Variants in CSMD1 observed in about 807,000 individuals in gnomAD.
The protein encoded by CSMD1 is CUB and Sushi multiple domains 1.
Under a neutral mutation model 417.5 loss-of-function variants are expected in CSMD1, and 213 were observed. The observed-to-expected ratio is 0.51, with a 90% CI of 0.46 to 0.57. The LOEUF (loss-of-function observed/expected upper bound fraction) is 0.57, where lower values mean the gene tolerates loss of function less well. Ranked by LOEUF, CSMD1 falls within the 20% of genes least tolerant of loss-of-function variation. The probability of loss-of-function intolerance (pLI) is 0.00; values close to 1 mark genes in which losing one functional copy is unlikely to be tolerated. For synonymous variants in CSMD1, 2,862 were observed against 1,736.8 expected (o/e 1.65, Z -16.11); for missense variants, 6,923 against 4,529.7 (o/e 1.53, Z -15.17).
Position 4,950,877 on chromosome 8 carries a change from G to C in CSMD1, c.85+43455C>G, listed in dbSNP as rs533810057. On this transcript the variant is annotated intron_variant, in intron 1 of 69. Coordinates refer to ENST00000635120, the MANE Select transcript of CSMD1 (RefSeq NM_033225.6). Reference sequence around the variant, plus strand: ...GTACCCTACCTTGGCTTAAGAAAAAGTACCAGGGTGGCAAACAAATGTACT... The same window carrying C: ...GTACCCTACCTTGGCTTAAGAAAAACTACCAGGGTGGCAAACAAATGTACT... Among the ~76,000 whole-genome samples the C allele has an allele frequency of 9.7e-4, 147 of 152,068 alleles. 1 individual carries two copies. Among genetic ancestry groups the C allele is most frequent in the African/African-American group, 3.5e-3 (144 of 41,506 alleles).
At chr8:3,789,043 T>G (rs1463752443) in intron 5 of CSMD1, among the ~76,000 whole-genome samples, 1 of 152,220 alleles carries the variant, frequency 6.6e-6, no homozygotes, top group Admixed American at 6.5e-5. Flanking sequence ...GTTCTGAATG[T>G]TTCTGTCCCT....
At chr8:4,234,670 A>G (rs559255737) in intron 3 of CSMD1, among the ~76,000 whole-genome samples, 1 of 152,288 alleles carries the variant, frequency 6.6e-6, no homozygotes, top group African/African-American at 2.4e-5. Context: ...GCAGGTGCTA[A>G]ATAAACACTT....
At chr8:4,563,983 C>A (rs1798470052) in intron 2 of CSMD1, among the ~76,000 whole-genome samples, 1 of 152,156 alleles carries the variant, frequency 6.6e-6, no homozygotes, top group Non-Finnish European at 1.5e-5. Flanking sequence ...TGAACATCTG[C>A]AGATTCCCAG....
chr8:4,707,250 G>A (rs547085208), intron 1 of CSMD1, among the ~76,000 whole-genome samples: 74 of 152,186 alleles, frequency 4.9e-4, no homozygotes, highest in Non-Finnish European at 9.3e-4. Context: ...TTCTTACAAC[G>A]GTCCTAGGAG....
chr8:4,234,561 A>C (rs1436455506), intron 3 of CSMD1, among the ~76,000 whole-genome samples: 3 of 152,190 alleles, frequency 2.0e-5, no homozygotes, highest in Non-Finnish European at 4.4e-5. Context: ...CCGTTCCTTT[A>C]GTACAATTCT....
In CSMD1 at chr8:3,353,678, T is replaced by C. The variant is rs368203016; in HGVS notation, c.3304+5474A>G. 3.3e-5 allele frequency among the ~76,000 whole-genome samples: 5 copies of C among 152,312 alleles called. No homozygotes were observed. The South Asian group carries it at 6.2e-4, about 19-fold the overall frequency. On this transcript the variant is annotated intron_variant, in intron 21 of 69. Transcript: ENST00000635120. ...ATTTGAGCTTGATTTAAAACATTCA[T>C]TGAAAATCACCATTAGCAGAATTAA...
At chr8:4,673,297 G>A (rs1005621125) in intron 1 of CSMD1, among the ~76,000 whole-genome samples, 4 of 152,082 alleles carry the variant, frequency 2.6e-5, no homozygotes, top group Admixed American at 6.6e-5. Context: ...CTATTAAAAC[G>A]CATAAAATGC....
intron 8 of CSMD1, among the ~76,000 whole-genome samples, chr8:3,592,137 TG>T (rs1475673338): frequency 6.6e-6 from 1 of 152,084 alleles, no homozygotes; most frequent in Non-Finnish European, 1.5e-5. Flanking sequence ...GATAGATGAA[TG>T]GATAGGTAAG....
chr8:3,375,389 A>G (rs1050336430), intron 18 of CSMD1, among the ~76,000 whole-genome samples: 3 of 151,934 alleles, frequency 2.0e-5, no homozygotes, highest in Admixed American at 2.0e-4. Context: ...ATCTGTTTCC[A>G]TCTTTTCTCT....
At chr8:4,002,701 T>C (rs1381041106) in intron 4 of CSMD1, among the ~76,000 whole-genome samples, 8 of 152,212 alleles carry the variant, frequency 5.3e-5, no homozygotes, top group Non-Finnish European at 8.8e-5. Context: ...TGTGGAGTGC[T>C]ACAAGGACCC....
intron 50 of CSMD1, among the ~76,000 whole-genome samples, chr8:3,031,405 G>A (rs1810332328): frequency 6.6e-6 from 1 of 151,924 alleles, no homozygotes; most frequent in East Asian, 1.9e-4. Context: ...CATGGCACAT[G>A]TATACATGTG....
chr8:4,735,231 T>C (rs925525261), intron 1 of CSMD1, among the ~76,000 whole-genome samples: 1 of 152,182 alleles, frequency 6.6e-6, no homozygotes, highest in Non-Finnish European at 1.5e-5. Context: ...TGCGAGAGGA[T>C]ACTTGAGTCA....
chr8:4,656,509 G>A (rs1334979851), intron 1 of CSMD1, among the ~76,000 whole-genome samples: 1 of 151,784 alleles, frequency 6.6e-6, no homozygotes, highest in Non-Finnish European at 1.5e-5. Context: ...AATCCATCTT[G>A]CAGGGATTCT....
chr8:3,845,699 G>C (rs1803459548), intron 5 of CSMD1, among the ~76,000 whole-genome samples: 1 of 152,014 alleles, frequency 6.6e-6, no homozygotes, highest in Non-Finnish European at 1.5e-5. Flanking sequence ...GTAACATTTT[G>C]TATTTTATAA....
At chr8:4,442,369 A>G (rs1027717875) in intron 2 of CSMD1, among the ~76,000 whole-genome samples, 1 of 152,202 alleles carries the variant, frequency 6.6e-6, no homozygotes, top group African/African-American at 2.4e-5. Flanking sequence ...ACGTTTGCCT[A>G]GAGATTTCTA....
intron 23 of CSMD1, among the ~76,000 whole-genome samples, chr8:3,318,190 T>C (rs779857010): frequency 7.2e-5 from 11 of 152,254 alleles, no homozygotes; most frequent in Non-Finnish European, 1.2e-4. Flanking sequence ...TAATATTCTA[T>C]TTTTATTTAT....
Position 3,809,711 on chromosome 8 carries a change from G to A in CSMD1, c.819-55669C>T, listed in dbSNP as rs542474427. 1.2e-3 allele frequency among the ~76,000 whole-genome samples: 176 copies of A among 152,250 alleles called. 1 individual carries two copies. Among genetic ancestry groups the A allele is most frequent in the African/African-American group, 3.6e-3 (150 of 41,544 alleles). On this transcript the variant is annotated intron_variant, in intron 5 of 69. Coordinates refer to ENST00000635120, the MANE Select transcript of CSMD1 (RefSeq NM_033225.6). ...ACCACACTTCCAGAGACACTGCCAC[G>A]AATCTATAGGTCTTCAAGGAAGGTT...
chr8:3,216,885 C>T (rs1014263647), intron 29 of CSMD1, among the ~76,000 whole-genome samples: 8 of 152,256 alleles, frequency 5.3e-5, no homozygotes, highest in Admixed American at 4.6e-4. Context: ...ACCTGCTTTG[C>T]TATCCACACC....
intron 5 of CSMD1, among the ~76,000 whole-genome samples, chr8:3,980,812 C>T (rs750331911): frequency 7.9e-5 from 12 of 152,160 alleles, no homozygotes; most frequent in Admixed American, 5.9e-4. Flanking sequence ...CCTTGGCCAA[C>T]CACTAATGTC....
Sources: allele counts gnomAD v4.1 joint callset (sites outside exome capture counted in the v4.1 genomes callset), GRCh38; gene constraint gnomAD v4.1.1; transcripts MANE v1.5; gene names NCBI Gene and HGNC (gene_info 2026-07-23, HGNC 2026-07-21).